Variants in LARGE1 observed in about 807,000 individuals in gnomAD.
LARGE1 encodes the protein xylosyl- and glucuronyltransferase LARGE1.
Under a neutral mutation model 87.6 loss-of-function variants are expected in LARGE1, and 43 were observed. The observed-to-expected ratio is 0.49, with a 90% confidence interval of 0.38 to 0.63. The LOEUF is 0.63. Among genes scored for constraint, LARGE1 ranks in the 30% least tolerant of loss-of-function variants. The pLI is 0.00. For missense variants in LARGE1, 802 were observed against 1,000.2 expected, an observed-to-expected ratio of 0.80 and a Z score of 2.67; for synonymous variants, 434 against 394.6, an observed-to-expected ratio of 1.10 and a Z score of -1.18.
At chr22:33,344,477 C>T (rs951562671) in intron 9 of LARGE1, among the ~76,000 whole-genome samples, 11 of 152,036 alleles carry the variant, frequency 7.2e-5, no homozygotes, top group Admixed American at 4.6e-4. Flanking sequence ...CTGGGAAGGG[C>T]GCATTAAGTG....
intron 6 of LARGE1, among the ~76,000 whole-genome samples, chr22:33,552,170 C>T (rs987191581): frequency 2.0e-5 from 3 of 152,040 alleles, no homozygotes; most frequent in Admixed American, 2.0e-4. Flanking sequence ...CAAGTAGGTG[C>T]TCAATAAATA....
chr22:33,255,374 T>C (rs1927211037), intron 11 of LARGE1, among the ~76,000 whole-genome samples: 1 of 151,938 alleles, frequency 6.6e-6, no homozygotes, highest in African/African-American at 2.4e-5. Flanking sequence ...GCAGGAAAAA[T>C]GGAACAACGC....
intron 10 of LARGE1, among the ~76,000 whole-genome samples, chr22:33,332,152 A>G (rs554094962): frequency 6.6e-6 from 1 of 152,250 alleles, no homozygotes; most frequent in Admixed American, 6.5e-5. Context: ...TCCCCACCCA[A>G]ATCTCATCTT....
intron 2 of LARGE1, among the ~76,000 whole-genome samples, chr22:33,678,190 T>C (rs2081638565): frequency 6.6e-6 from 1 of 152,234 alleles, no homozygotes; most frequent in East Asian, 1.9e-4. Context: ...AAATCCAGTA[T>C]GTAAAACTAC....
chr22:33,865,829 A>ATTATTT (rs2064079507), intron 1 of LARGE1, among the ~76,000 whole-genome samples: 1 of 32,982 alleles, frequency 3.0e-5, no homozygotes, highest in African/African-American at 1.1e-4. Context: ...GTTAGCTGTT[A>ATTATTT]TTCTTTTTTT....
At position 33,608,654 on chromosome 22, in the gene LARGE1, G is replaced by C. The variant is rs5999032; in HGVS notation, c.492-4096C>G. Among the ~76,000 whole-genome samples the C allele has an allele frequency of 8.1e-3, 1,233 of 152,228 alleles. 11 individuals are homozygous for C. The highest frequency in any genetic ancestry group is 0.028 in the African/African-American group (1,157 of 41,546). ...GATATTCCTGTAACAACAACAAAAA[G>C]CCAATGCCCCTCCTTGTATTATCAC... On this transcript the variant is annotated intron_variant, in intron 4 of 14. Transcript: ENST00000397394.
chr22:33,780,095 G>C (rs759653510), intron 1 of LARGE1, among the ~76,000 whole-genome samples: 1 of 152,192 alleles, frequency 6.6e-6, no homozygotes, highest in South Asian at 2.1e-4. Flanking sequence ...ACCTTAGCTT[G>C]TGGCAACACA....
intron 6 of LARGE1, among the ~76,000 whole-genome samples, chr22:33,488,085 G>T (rs1163789572): frequency 6.6e-6 from 1 of 152,160 alleles, no homozygotes; most frequent in Non-Finnish European, 1.5e-5. Context: ...CACTTTGCTG[G>T]TGCCCAAAGG....
intron 2 of LARGE1, among the ~76,000 whole-genome samples, chr22:33,709,034 G>A (rs951080202): frequency 1.3e-5 from 2 of 152,104 alleles, no homozygotes; most frequent in Middle Eastern, 3.2e-3. Flanking sequence ...TAGGACTAGG[G>A]CCTACCATAA....
chr22:33,473,265 T>C (rs1485075580), intron 6 of LARGE1, among the ~76,000 whole-genome samples: 2 of 152,090 alleles, frequency 1.3e-5, no homozygotes, highest in Non-Finnish European at 2.9e-5. Context: ...GGCTCCCAGG[T>C]TCAAGCCACT....
Position 33,412,290 on chromosome 22 carries a change from C to CATAT in LARGE1, c.892+19867_892+19870dup, listed in dbSNP as rs60502247. The stretch of plus-strand genomic sequence containing the variant: ...CAAGAGTGAGACTCCATCTCAAAGT[C>CATAT]ATATATATATATATATTTATTATTA... On this transcript the variant is annotated intron_variant, in intron 7 of 14. Transcript: ENST00000397394. Among the ~76,000 whole-genome samples, 522 of 149,294 alleles carry CATAT rather than the reference C, an allele frequency of 3.5e-3. 3 individuals carry two copies. The highest frequency in any genetic ancestry group is 0.011 in the African/African-American group (444 of 40,700).
At chr22:33,505,704 C>T (rs1209926139) in intron 6 of LARGE1, among the ~76,000 whole-genome samples, 1 of 152,168 alleles carries the variant, frequency 6.6e-6, no homozygotes, top group Non-Finnish European at 1.5e-5. Flanking sequence ...GGAGTCTGTG[C>T]ACAGGCTACC....
intron 6 of LARGE1, among the ~76,000 whole-genome samples, chr22:33,519,256 G>GTA (rs1244263414): frequency 2.0e-5 from 3 of 151,984 alleles, no homozygotes; most frequent in African/African-American, 7.2e-5. Context: ...GTGTGTGTGT[G>GTA]TGGTCACATA....
At chr22:33,915,224 G>C (rs1030736080) in intron 1 of LARGE1, among the ~76,000 whole-genome samples, 1 of 151,998 alleles carries the variant, frequency 6.6e-6, no homozygotes, top group African/African-American at 2.4e-5. Flanking sequence ...CCTCACCATA[G>C]TTTCCTCATC....
intron 1 of LARGE1, among the ~76,000 whole-genome samples, chr22:33,897,537 G>A (rs780210325): frequency 1.3e-5 from 2 of 152,142 alleles, no homozygotes; most frequent in East Asian, 3.9e-4. Flanking sequence ...ATACGCAAGG[G>A]AGGCAGCCCT....
At chr22:33,756,578 C>G (rs962342600) in intron 2 of LARGE1, among the ~76,000 whole-genome samples, 6 of 152,090 alleles carry the variant, frequency 3.9e-5, no homozygotes, top group Admixed American at 6.6e-5. Context: ...GAAGAAAGAA[C>G]AGGTGGGAAG....
chr22:33,130,170 C>T, the LARGE1 span, among the ~76,000 whole-genome samples: 1 of 151,192 alleles, frequency 6.6e-6, no homozygotes, highest in African/African-American at 2.4e-5. Flanking sequence ...AAAAATTAGC[C>T]GGGCGTGGTG....
chr22:33,558,620 C>T (rs1194626715), intron 6 of LARGE1, among the ~76,000 whole-genome samples: 2 of 152,082 alleles, frequency 1.3e-5, no homozygotes, highest in African/African-American at 4.8e-5. Flanking sequence ...CTCTTTTTTG[C>T]TAAGCTCTTC....
At chr22:33,748,374 C>A (rs2084181865) in intron 2 of LARGE1, among the ~76,000 whole-genome samples, 1 of 152,066 alleles carries the variant, frequency 6.6e-6, no homozygotes, top group South Asian at 2.1e-4. Flanking sequence ...TCGTGATGCA[C>A]CCATCTCCAC....
Sources: allele counts gnomAD v4.1 joint callset (sites outside exome capture counted in the v4.1 genomes callset), GRCh38; gene constraint gnomAD v4.1.1; transcripts MANE v1.5; gene names NCBI Gene and HGNC (gene_info 2026-07-23, HGNC 2026-07-21).